SMARCAD1: variants seen among roughly 807,000 people sequenced by gnomAD.
SMARCAD1 encodes SWI/SNF-related matrix-associated actin-dependent regulator of chromatin subfamily A containing DEAD/H box 1.
Under a neutral mutation model 127.1 loss-of-function variants are expected in SMARCAD1, and 25 were observed. The ratio of observed to expected loss-of-function variants is 0.20; its 90% CI spans 0.14 to 0.27. The LOEUF is 0.27. Ranked by LOEUF, SMARCAD1 falls within the 10% of genes least tolerant of loss-of-function variation. The pLI is 1.00. For synonymous variants in SMARCAD1, 400 were observed against 396.9 expected (o/e 1.01, Z -0.09); for missense variants, 807 against 1,206.0 (o/e 0.67, Z 4.90).
At chr4:94,289,413 CA>C in intron 23 of SMARCAD1, 59 bp from the exon 24 acceptor site, 1 of 1,445,254 alleles carries the variant, frequency 6.9e-7, no homozygotes, top group Non-Finnish European at 9.7e-7. Context: ...ATAATTGAGA[CA>C]ATTTTTTTTT....
In SMARCAD1 at chr4:94,276,393, A is replaced by G. The variant is rs779922197; in HGVS notation, c.1863A>G (p.Lys621=). Residue 621 remains lysine, a synonymous_variant, in exon 15 of 24, where the codon AAA becomes AAG. Coordinates refer to ENST00000354268, the MANE Select transcript of SMARCAD1 (RefSeq NM_020159.5). ...ACCGTAGTCTGTTTCGACGGCTGAAACTTAATTACGCAATTTTTGATGAGG... is the reference window on the plus strand; with the variant it reads ...ACCGTAGTCTGTTTCGACGGCTGAAGCTTAATTACGCAATTTTTGATGAGG... The part of the protein sequence containing the change: ...SDDRSLFRRL[K]LNYAIFDEGH... 1 of 1,614,142 alleles carries G rather than the reference A, an allele frequency of 6.2e-7. No individual in the cohort carries two copies. Among genetic ancestry groups the G allele is most frequent in the Admixed American group, 1.7e-5 (1 of 60,024 alleles).
At chr4:94,208,713 A>G in intron 2 of SMARCAD1, 129 bp downstream of exon 2, 1 of 919,782 alleles carries the variant, frequency 1.1e-6, no homozygotes, top group South Asian at 1.5e-5. Context: ...TGCCCTTTTA[A>G]ATACAGCTTT....
At chr4:94,278,589 T>A in intron 17 of SMARCAD1, 27 bp from the exon 18 acceptor site, 1 of 1,612,674 alleles carries the variant, frequency 6.2e-7, no homozygotes, top group African/African-American at 1.3e-5. Flanking sequence ...CTAGAATGAT[T>A]ATCTTAAACT....
intron 23 of SMARCAD1, among the ~76,000 whole-genome samples, chr4:94,287,901 C>A (rs549751045): frequency 6.6e-6 from 1 of 151,996 alleles, no homozygotes; most frequent in East Asian, 1.9e-4. Flanking sequence ...GCTTATAATG[C>A]CAGCACTTGG....
chr4:94,243,162 C>G (rs1196206925), intron 6 of SMARCAD1, among the ~76,000 whole-genome samples: 1 of 152,162 alleles, frequency 6.6e-6, no homozygotes, highest in Non-Finnish European at 1.5e-5. Flanking sequence ...TGATCTCAAA[C>G]TCCTGACCTC....
chr4:94,289,801 T>G lies in SMARCAD1; in HGVS notation c.*267T>G. Reference sequence around the variant, plus strand: ...AAGCAGTTTTCTGAATGGGGATTAGTTGGTGATTGTTTGTAACAAATATGC... The same window carrying G: ...AAGCAGTTTTCTGAATGGGGATTAGGTGGTGATTGTTTGTAACAAATATGC... On this transcript the variant is annotated 3_prime_UTR_variant, in exon 24 of 24. Transcript: ENST00000354268. The G allele has an allele frequency of 1.8e-6, 1 of 557,960 alleles. No homozygotes were observed. Among genetic ancestry groups the G allele is most frequent in the Non-Finnish European group, 3.4e-6 (1 of 294,118 alleles). 34.6% of individuals were successfully genotyped at this position (557,960 alleles called of 1,614,324 possible). A position where few individuals can be genotyped will look rare whatever the true frequency, so the allele number is the denominator to read the frequency against.
chr4:94,208,391 C>G lies in SMARCAD1; in HGVS notation c.-4C>G. On this transcript the variant is annotated 5_prime_UTR_variant, in exon 2 of 24. Transcript: ENST00000354268. Reference sequence around the variant, plus strand: ...ATCCCTGCAAGGTGGTGCTTTCTACCAATATGAATCTTTTCAACCTGGACC... The same window carrying G: ...ATCCCTGCAAGGTGGTGCTTTCTACGAATATGAATCTTTTCAACCTGGACC... The G allele has an allele frequency of 6.2e-7, 1 of 1,613,944 alleles. No individual in the cohort carries two copies. Among genetic ancestry groups the G allele is most frequent in the Non-Finnish European group, 8.5e-7 (1 of 1,179,994 alleles).
At chr4:94,270,697 G>A in intron 10 of SMARCAD1, 31 bp from the exon 11 acceptor site, 11 of 1,545,282 alleles carry the variant, frequency 7.1e-6, no homozygotes, top group Non-Finnish European at 8.9e-6. Context: ...AAATATAGAT[G>A]TGTAATATTT....
In SMARCAD1 at chr4:94,207,895, A is replaced by G. The variant is rs550241941; in HGVS notation, c.-225A>G. 2.1e-5 allele frequency: 7 copies of G among 333,308 alleles called. No individual in the cohort carries two copies. The highest frequency in any genetic ancestry group is 9.8e-5 in the South Asian group (4 of 40,624). The allele number at this position is 333,308 out of a possible 1,614,324, so 20.6% of individuals were successfully genotyped here. A position where few individuals can be genotyped will look rare whatever the true frequency, so the allele number is the denominator to read the frequency against. On this transcript the variant is annotated 5_prime_UTR_variant, in exon 1 of 24. Coordinates refer to ENST00000354268, the MANE Select transcript of SMARCAD1 (RefSeq NM_020159.5). ...AACTTCCGGGCGGATGCCCGCCAGC[A>G]CGGCCTCCGCCGCTCCCCTTCTTTG...
At chr4:94,241,061 G>A in intron 6 of SMARCAD1, 55 bp downstream of exon 6, 4 of 1,178,008 alleles carry the variant, frequency 3.4e-6, no homozygotes, top group Non-Finnish European at 5.0e-6. Context: ...GTTAGGATAT[G>A]TGGAGTTTGT....
intron 7 of SMARCAD1, among the ~76,000 whole-genome samples, chr4:94,250,006 ATTT>A (rs140967315): frequency 9.8e-4 from 149 of 152,138 alleles, no homozygotes; most frequent in African/African-American, 3.5e-3. Context: ...TTGTGAACTC[ATTT>A]ATAACATGTA....
intron 21 of SMARCAD1, among the ~76,000 whole-genome samples, chr4:94,282,348 G>C (rs976324623): frequency 6.6e-6 from 1 of 150,854 alleles, no homozygotes; most frequent in African/African-American, 2.4e-5. Context: ...CGCCCGCCTC[G>C]GCCTCCCAAA....
Position 94,264,860 on chromosome 4 carries a change from A to G in SMARCAD1, c.1435A>G (p.Asn479Asp). The change falls in exon 10 of 24, where the codon AAT (asparagine) becomes GAT (aspartate). Residue 479 changes from asparagine (N) to aspartate (D), a missense_variant. Transcript: ENST00000354268. ...LTKQVTMLTG[N>D]GGGWNIEQPS... is the part of the protein sequence containing the mutation. ...CAAACAAGTTACCATGCTTACTGGA[A>G]ATGGAGGTGGATGGAACATAGAACA... is the stretch of plus-strand genomic sequence containing the variant. 6.2e-7 allele frequency: 1 copy of G among 1,613,108 alleles called. No homozygotes were observed. The highest frequency in any genetic ancestry group is 8.5e-7 in the Non-Finnish European group (1 of 1,179,286).
intron 14 of SMARCAD1, among the ~76,000 whole-genome samples, chr4:94,276,056 A>C (rs937841533): frequency 6.6e-6 from 1 of 151,972 alleles, no homozygotes; most frequent in Non-Finnish European, 1.5e-5. Flanking sequence ...CTCGGCCTCC[A>C]AAAGTGCTGG....
intron 3 of SMARCAD1, 109 bp downstream of exon 3, chr4:94,226,405 T>TC: frequency 2.4e-6 from 2 of 833,106 alleles, no homozygotes; most frequent in Non-Finnish European, 3.7e-6. Flanking sequence ...TTTTTTTCTT[T>TC]TTTTTTTTTG....
intron 12 of SMARCAD1, 82 bp from the exon 13 acceptor site, chr4:94,274,656 C>T: frequency 7.7e-7 from 1 of 1,295,226 alleles, no homozygotes; most frequent in South Asian, 1.2e-5. Flanking sequence ...CTGAGTAGCA[C>T]TTGTCAAAGT....
intron 9 of SMARCAD1, among the ~76,000 whole-genome samples, chr4:94,253,885 A>AT (rs939425741): frequency 3.3e-5 from 5 of 152,074 alleles, no homozygotes; most frequent in South Asian, 4.1e-4. Context: ...AATATGGATG[A>AT]TTTTTTACAG....
intron 3 of SMARCAD1, among the ~76,000 whole-genome samples, chr4:94,228,600 G>A (rs1401089668): frequency 6.6e-6 from 1 of 151,772 alleles, no homozygotes; most frequent in African/African-American, 2.4e-5. Flanking sequence ...TGCAAATCAG[G>A]GTACTGATTC....
chr4:94,214,303 C>G (rs1411611895), intron 2 of SMARCAD1, among the ~76,000 whole-genome samples: 1 of 148,952 alleles, frequency 6.7e-6, no homozygotes, highest in African/African-American at 2.5e-5. Context: ...CACTCTGTCA[C>G]CCAGGCTGGA....
Sources: gnomAD v4.1 joint callset for allele counts (sites outside exome capture counted in the v4.1 genomes callset) on GRCh38, gnomAD v4.1.1 for gene constraint, MANE v1.5 for transcripts, NCBI Gene and HGNC (gene_info 2026-07-23, HGNC 2026-07-21) for gene names.